Variants in PTPRN2 observed in about 807,000 individuals in gnomAD.
PTPRN2 encodes receptor-type tyrosine-protein phosphatase N2.
Under a neutral mutation model 118.8 loss-of-function variants are expected in PTPRN2, and 74 were observed. That is an observed-to-expected ratio of 0.62 (90% confidence interval 0.52 to 0.76). The LOEUF is 0.76. PTPRN2 is among the 30% of genes least tolerant of loss of function. The pLI is 0.00. For synonymous variants in PTPRN2, 641 were observed against 608.0 expected, an observed-to-expected ratio of 1.05 and a Z score of -0.80; for missense variants, 1,481 against 1,394.4, an observed-to-expected ratio of 1.06 and a Z score of -0.99.
At chr7:158,318,160 G>T (rs1252698745) in intron 2 of PTPRN2, among the ~76,000 whole-genome samples, 35 of 152,090 alleles carry the variant, frequency 2.3e-4, no homozygotes, top group Admixed American at 2.3e-3. Flanking sequence ...GCCCCCCACC[G>T]TCCGTGATGG....
intron 2 of PTPRN2, among the ~76,000 whole-genome samples, chr7:158,465,693 A>T (rs1301274691): frequency 2.0e-5 from 3 of 152,222 alleles, no homozygotes; most frequent in Non-Finnish European, 2.9e-5. Context: ...ACCACTGCAC[A>T]GTTTATATCC....
intron 3 of PTPRN2, among the ~76,000 whole-genome samples, chr7:158,298,123 C>T (rs934709142): frequency 6.6e-6 from 1 of 151,902 alleles, no homozygotes; most frequent in Non-Finnish European, 1.5e-5. Flanking sequence ...TTGTCATTGT[C>T]GGTAAAAAGA....
chr7:158,506,026 G>A (rs1044692994), intron 1 of PTPRN2, among the ~76,000 whole-genome samples: 2 of 152,240 alleles, frequency 1.3e-5, no homozygotes, highest in African/African-American at 2.4e-5. Flanking sequence ...CCTCAGGGCT[G>A]CAGAGGGTGA....
rs774762633 is a variant in PTPRN2, at chr7:158,498,728, T to C, written c.113-8943A>G. Reference sequence around the variant, plus strand: ...TGAAAAAGTATCTGATGAAAATCCTTGAACATTAAATACTGCAGGTGCAGG... The same window carrying C: ...TGAAAAAGTATCTGATGAAAATCCTCGAACATTAAATACTGCAGGTGCAGG... On this transcript the variant is annotated intron_variant, in intron 1 of 22. Transcript: ENST00000389418. 3.3e-5 allele frequency among the ~76,000 whole-genome samples: 5 copies of C among 152,234 alleles called. No individual in the cohort carries two copies. In the East Asian group the frequency reaches 7.7e-4, roughly 23 times the overall value.
chr7:158,331,508 C>G (rs1469948320), intron 2 of PTPRN2, among the ~76,000 whole-genome samples: 3 of 144,794 alleles, frequency 2.1e-5, no homozygotes, highest in East Asian at 2.1e-4. Context: ...GAGCTGTCAC[C>G]CACAGACATC....
chr7:157,840,540 G>T (rs115654262), intron 12 of PTPRN2, among the ~76,000 whole-genome samples: 1 of 152,204 alleles, frequency 6.6e-6, no homozygotes, highest in Non-Finnish European at 1.5e-5. Context: ...TCCAGGCAGG[G>T]TGTGGGAGTG....
chr7:158,421,385 G>T (rs1356915541), intron 2 of PTPRN2, among the ~76,000 whole-genome samples: 1 of 152,190 alleles, frequency 6.6e-6, no homozygotes, highest in Non-Finnish European at 1.5e-5. Context: ...CTGGGTTTTT[G>T]AACACTGAGC....
chr7:158,411,759 C>T (rs1380929387), intron 2 of PTPRN2, among the ~76,000 whole-genome samples: 1 of 152,198 alleles, frequency 6.6e-6, no homozygotes, highest in Non-Finnish European at 1.5e-5. Context: ...GGGGCCAGGG[C>T]CCAGGTCTTA....
At chr7:158,350,266 G>A (rs941864934) in intron 2 of PTPRN2, among the ~76,000 whole-genome samples, 12 of 152,134 alleles carry the variant, frequency 7.9e-5, no homozygotes, top group Admixed American at 5.9e-4. Flanking sequence ...TTCCATCTCC[G>A]CTCCCTCTGG....
intron 12 of PTPRN2, among the ~76,000 whole-genome samples, chr7:157,743,642 G>T (rs903359463): frequency 6.6e-6 from 1 of 151,846 alleles, no homozygotes; most frequent in Non-Finnish European, 1.5e-5. Flanking sequence ...GCTATCTCCG[G>T]GTTGGCTGAG....
intron 1 of PTPRN2, among the ~76,000 whole-genome samples, chr7:158,518,495 C>T (rs574796247): frequency 5.7e-4 from 87 of 152,266 alleles, no homozygotes; most frequent in African/African-American, 2.0e-3. Context: ...CGGGCCAGAA[C>T]GTCCACAGAG....
chr7:157,637,900 C>T (rs1176833649), intron 14 of PTPRN2, among the ~76,000 whole-genome samples: 1 of 152,222 alleles, frequency 6.6e-6, no homozygotes, highest in Non-Finnish European at 1.5e-5. Context: ...TAAAGAGTTC[C>T]AGCAAGTGCT....
rs200184040 is a variant in PTPRN2 at position 157,772,136 on chromosome 7, GACAC to G, written c.1789-89203_1789-89200del. 3.3e-3 allele frequency among the ~76,000 whole-genome samples: 459 copies of G among 138,752 alleles called. 5 individuals carry two copies. The highest frequency in any genetic ancestry group is 1.1e-3 in the Non-Finnish European group (73 of 64,136). 91.0% of individuals were successfully genotyped at this position (138,752 alleles called of 152,430 possible). A position where few individuals can be genotyped will look rare whatever the true frequency, so the allele number is the denominator to read the frequency against. On this transcript the variant is annotated intron_variant, in intron 12 of 22. Coordinates refer to ENST00000389418, the MANE Select transcript of PTPRN2 (RefSeq NM_002847.5). ...ACACAGACATACACATACACAGACA[GACAC>G]ACACACAGACACAAACACACACACA...
intron 14 of PTPRN2, among the ~76,000 whole-genome samples, chr7:157,633,591 T>C (rs944714602): frequency 2.0e-5 from 3 of 152,124 alleles, no homozygotes; most frequent in Non-Finnish European, 4.4e-5. Context: ...GCACCTGGGA[T>C]GGCACTGAGG....
At position 157,860,166 on chromosome 7, in the gene PTPRN2, G is replaced by A. The variant is rs1016826090; in HGVS notation, c.1788+38507C>T. 5.9e-5 allele frequency among the ~76,000 whole-genome samples: 9 copies of A among 152,212 alleles called. No homozygotes were observed. In the East Asian group the frequency reaches 7.7e-4, roughly 13 times the overall value. On this transcript the variant is annotated intron_variant, in intron 12 of 22. Transcript: ENST00000389418. ...CTGGGGGAGCCTCGAGACTTGCAAC[G>A]ACCCAGACCCAATTCCCTGAGGCCC...
At chr7:158,269,190 G>T (rs999524932) in intron 3 of PTPRN2, among the ~76,000 whole-genome samples, 3 of 152,128 alleles carry the variant, frequency 2.0e-5, no homozygotes, top group Admixed American at 1.3e-4. Flanking sequence ...GGCCTCCTAG[G>T]AGCCCCTGCC....
intron 14 of PTPRN2, among the ~76,000 whole-genome samples, chr7:157,623,052 A>C (rs1351885324): frequency 6.6e-6 from 1 of 152,222 alleles, no homozygotes; most frequent in East Asian, 1.9e-4. Context: ...CACCCCACAG[A>C]GATGTCTCGA....
chr7:158,281,622 A>AC (rs1799432212), intron 3 of PTPRN2, among the ~76,000 whole-genome samples: 1 of 151,766 alleles, frequency 6.6e-6, no homozygotes. Context: ...CTGGCTTTGC[A>AC]CCCCCCTCCT....
At chr7:158,200,389 T>C (rs1248983162) in intron 4 of PTPRN2, among the ~76,000 whole-genome samples, 5 of 152,158 alleles carry the variant, frequency 3.3e-5, no homozygotes. Flanking sequence ...GCAGCCCCCG[T>C]GTGCTAAGCA....
Sources: gnomAD v4.1 joint callset for allele counts (sites outside exome capture counted in the v4.1 genomes callset) on GRCh38, gnomAD v4.1.1 for gene constraint, MANE v1.5 for transcripts, NCBI Gene and HGNC (gene_info 2026-07-23, HGNC 2026-07-21) for gene names.